The following NAV2 variants were observed in gnomAD, a reference collection of about 807,000 sequenced individuals.
NAV2 encodes helicase, APC down-regulated 1.
In NAV2, 54 loss-of-function variants were observed where a neutral mutation model predicts 223.2. That is an observed-to-expected ratio of 0.24 (90% CI 0.19 to 0.30). The LOEUF is 0.30. NAV2 is among the 10% of genes least tolerant of loss of function. The pLI is 1.00. For synonymous variants in NAV2, 1,279 were observed against 1,239.3 expected (o/e 1.03, Z -0.67); for missense variants, 2,806 against 3,147.5 (o/e 0.89, Z 2.60).
At chr11:20,070,687 C>A (rs1179678039) in intron 22 of NAV2, among the ~76,000 whole-genome samples, 2 of 152,156 alleles carry the variant, frequency 1.3e-5, no homozygotes, top group East Asian at 3.8e-4. Flanking sequence ...CTCAAAACCA[C>A]CTTCTCTGAG....
chr11:19,722,735 G>A (rs972256384), intron 1 of NAV2, among the ~76,000 whole-genome samples: 1 of 152,168 alleles, frequency 6.6e-6, no homozygotes, highest in Non-Finnish European at 1.5e-5. Context: ...TATTGAACTC[G>A]AGCTGTGGAT....
At chr11:20,038,795 G>T (rs2056642136) in intron 12 of NAV2, among the ~76,000 whole-genome samples, 1 of 152,212 alleles carries the variant, frequency 6.6e-6, no homozygotes, top group Admixed American at 6.5e-5. Flanking sequence ...TTGAGGACAG[G>T]TTGCCTGCCT....
chr11:20,042,942 C>G (rs1338309712), intron 12 of NAV2, among the ~76,000 whole-genome samples: 1 of 152,144 alleles, frequency 6.6e-6, no homozygotes, highest in African/African-American at 2.4e-5. Context: ...CGTCACACTT[C>G]GGTCCCCTTC....
At chr11:19,402,705 A>G (rs1206650077) in intron 1 of NAV2, among the ~76,000 whole-genome samples, 1 of 152,230 alleles carries the variant, frequency 6.6e-6, no homozygotes, top group Non-Finnish European at 1.5e-5. Flanking sequence ...AATAGTCCTT[A>G]TTATGATCTG....
At chr11:19,972,389 A>C (rs973927181) in intron 10 of NAV2, among the ~76,000 whole-genome samples, 1 of 152,204 alleles carries the variant, frequency 6.6e-6, no homozygotes, top group African/African-American at 2.4e-5. Context: ...TGAGCATCCG[A>C]TAGTCACCTA....
chr11:20,077,457 T>G, intron 22 of NAV2, 95 bp from the exon 23 acceptor site: 1 of 916,250 alleles, frequency 1.1e-6, no homozygotes, highest in East Asian at 2.4e-5. Context: ...CCTAGATCAA[T>G]GGACCCACAG....
chr11:20,121,263 A>G lies in NAV2; in HGVS notation c.*3005A>G, dbSNP rs1193645175. Reference sequence around the variant, plus strand: ...TAGTTGTTTCCAGTGGAGCAGTTTTATGAAATATGTTCTATAAGATGTACA... The same window carrying G: ...TAGTTGTTTCCAGTGGAGCAGTTTTGTGAAATATGTTCTATAAGATGTACA... On this transcript the variant is annotated 3_prime_UTR_variant, in exon 38 of 38. Coordinates refer to ENST00000349880, the MANE Select transcript of NAV2 (RefSeq NM_145117.5). The G allele has an allele frequency of 6.6e-6, 1 of 152,648 alleles. No homozygotes were observed. The highest frequency in any genetic ancestry group is 1.5e-5 in the Non-Finnish European group (1 of 68,042). The allele number at this position is 152,648 out of a possible 1,614,324, so 9.5% of individuals were successfully genotyped here.
intron 1 of NAV2, among the ~76,000 whole-genome samples, chr11:19,574,546 T>G (rs979573609): frequency 2.6e-5 from 4 of 152,150 alleles, no homozygotes; most frequent in African/African-American, 9.7e-5. Flanking sequence ...TGGGGCTAAG[T>G]GCTTTGGTGG....
In NAV2 at chr11:19,800,733, A is replaced by C. The variant is rs77494376; in HGVS notation, c.268-31751A>C. 3.3e-3 allele frequency among the ~76,000 whole-genome samples: 493 copies of C among 151,230 alleles called. 4 individuals are homozygous for C. The highest frequency in any genetic ancestry group is 0.012 in the African/African-American group (474 of 41,216). On this transcript the variant is annotated intron_variant, in intron 1 of 37. Coordinates refer to ENST00000349880, the MANE Select transcript of NAV2 (RefSeq NM_145117.5). ...TGTATGCATGTGTGTATAGATACAT[A>C]TGTGTATGTGTGTGTGTCTTTTGGG...
chr11:19,585,350 CT>C (rs2135073879), intron 1 of NAV2, among the ~76,000 whole-genome samples: 1 of 152,270 alleles, frequency 6.6e-6, no homozygotes, highest in South Asian at 2.1e-4. Flanking sequence ...CAGTCTCTGT[CT>C]TTTAATTGGA....
intron 1 of NAV2, among the ~76,000 whole-genome samples, chr11:19,564,572 A>T (rs916551077): frequency 3.3e-5 from 5 of 151,196 alleles, no homozygotes; most frequent in African/African-American, 9.8e-5. Context: ...CATTTGGAGG[A>T]GCAACTGCGT....
At chr11:19,616,998 C>T (rs150353974) in intron 1 of NAV2, among the ~76,000 whole-genome samples, 75 of 152,090 alleles carry the variant, frequency 4.9e-4, no homozygotes, top group Non-Finnish European at 7.2e-4. Context: ...GGTCTCATAA[C>T]GTTACATTGC....
intron 5 of NAV2, among the ~76,000 whole-genome samples, chr11:19,880,456 C>T (rs1441821163): frequency 6.6e-6 from 1 of 152,202 alleles, no homozygotes; most frequent in Admixed American, 6.5e-5. Context: ...GTGTGTCTCC[C>T]TACAAGCTGA....
chr11:20,103,067 A>G (rs1449234472), intron 32 of NAV2, among the ~76,000 whole-genome samples, 188 bp from the exon 33 acceptor site: 1 of 152,008 alleles, frequency 6.6e-6, no homozygotes, highest in Non-Finnish European at 1.5e-5. Context: ...TCCCATGCCC[A>G]CTCTGCATCC....
intron 3 of NAV2, among the ~76,000 whole-genome samples, chr11:19,866,771 T>C (rs1261725423): frequency 6.6e-6 from 1 of 152,138 alleles, no homozygotes; most frequent in African/African-American, 2.4e-5. Context: ...TTAACCTACC[T>C]CGTCAGCCCA....
In NAV2 at chr11:19,430,239, C is replaced by T. The variant is rs543467618; in HGVS notation, c.75+79212C>T. 5.3e-5 allele frequency among the ~76,000 whole-genome samples: 8 copies of T among 152,302 alleles called. No individual in the cohort carries two copies. The East Asian group carries it at 1.4e-3, about 26-fold the overall frequency. ...TGCAGCTGATGCTCTTTGCACTTTT[C>T]GCTTGGCCATCCAATCACCTTTGCT... On this transcript the variant is annotated intron_variant, in intron 1 of 37. Coordinates refer to the NAV2 transcript ENST00000360655.
At chr11:19,914,021 A>C (rs912353027) in intron 6 of NAV2, among the ~76,000 whole-genome samples, 1 of 152,228 alleles carries the variant, frequency 6.6e-6, no homozygotes, top group Non-Finnish European at 1.5e-5. Flanking sequence ...CTACTAGCAC[A>C]TCAGAGCGAA....
At chr11:19,396,822 A>G (rs1849468369) in intron 1 of NAV2, among the ~76,000 whole-genome samples, 1 of 152,342 alleles carries the variant, frequency 6.6e-6, no homozygotes, top group East Asian at 1.9e-4. Flanking sequence ...CTAGTAATGT[A>G]GAATTTTCAC....
chr11:20,111,112 A>T (rs2062602806), intron 36 of NAV2, among the ~76,000 whole-genome samples: 1 of 152,200 alleles, frequency 6.6e-6, no homozygotes, highest in East Asian at 1.9e-4. Context: ...GTGCAGATGC[A>T]CTTGTGGAAC....
Sources: gnomAD v4.1 joint callset for allele counts (sites outside exome capture counted in the v4.1 genomes callset) on GRCh38, gnomAD v4.1.1 for gene constraint, MANE v1.5 for transcripts, NCBI Gene and HGNC (gene_info 2026-07-23, HGNC 2026-07-21) for gene names.